The following RIMS2 variants were observed in gnomAD, a reference collection of about 807,000 sequenced individuals.
RIMS2 encodes the protein regulating synaptic membrane exocytosis protein 2.
In RIMS2, 59 loss-of-function variants were observed where a neutral mutation model predicts 174.4. The observed-to-expected ratio is 0.34, with a 90% CI of 0.27 to 0.42. The LOEUF (loss-of-function observed/expected upper bound fraction) is 0.42. Ranked by LOEUF, RIMS2 falls within the 10% of genes least tolerant of loss-of-function variation. The probability of loss-of-function intolerance (pLI) is 1.00; values close to 1 mark genes in which losing one functional copy is unlikely to be tolerated. For missense variants in RIMS2, 1,620 were observed against 1,666.3 expected, an observed-to-expected ratio of 0.97 and a Z score of 0.48; for synonymous variants, 606 against 572.5, an observed-to-expected ratio of 1.06 and a Z score of -0.84.
intron 1 of RIMS2, among the ~76,000 whole-genome samples, chr8:103,572,250 G>A (rs773302047): frequency 6.6e-6 from 1 of 152,140 alleles, no homozygotes; most frequent in Admixed American, 6.6e-5. Context: ...TGTGAAGAGC[G>A]AAAGAACAAA....
At chr8:103,740,063 T>C (rs1042073686) in intron 2 of RIMS2, among the ~76,000 whole-genome samples, 2 of 152,046 alleles carry the variant, frequency 1.3e-5, no homozygotes, top group Admixed American at 6.6e-5. Context: ...TAATTTAGAG[T>C]GGACGGGAAA....
intron 3 of RIMS2, among the ~76,000 whole-genome samples, chr8:103,781,050 T>C (rs752336707): frequency 7.2e-5 from 11 of 152,168 alleles, no homozygotes; most frequent in Non-Finnish European, 1.5e-5. Flanking sequence ...TCTGGCAGTG[T>C]TGGGAGGCTG....
chr8:103,739,380 A>C (rs1322800844), intron 2 of RIMS2, among the ~76,000 whole-genome samples: 6 of 152,182 alleles, frequency 3.9e-5, no homozygotes. Context: ...GGCCTGTCGT[A>C]GGGTAGAGGG....
At chr8:104,137,994 G>A (rs754412130) in intron 19 of RIMS2, among the ~76,000 whole-genome samples, 7 of 152,042 alleles carry the variant, frequency 4.6e-5, no homozygotes, top group Non-Finnish European at 7.4e-5. Flanking sequence ...AGGTCCATGC[G>A]TGTAGTTGTT....
At chr8:103,700,494 C>G (rs1199138505) in intron 2 of RIMS2, among the ~76,000 whole-genome samples, 1 of 151,592 alleles carries the variant, frequency 6.6e-6, no homozygotes, top group Non-Finnish European at 1.5e-5. Context: ...AGTATATGTT[C>G]TTCTATTATT....
intron 19 of RIMS2, among the ~76,000 whole-genome samples, chr8:104,036,831 C>T (rs2096528612): frequency 1.3e-5 from 2 of 151,952 alleles, no homozygotes; most frequent in Non-Finnish European, 1.5e-5. Flanking sequence ...GAGCCAAGAT[C>T]GTGCCACTTC....
At chr8:104,250,378 A>G (rs1311543986) in intron 22 of RIMS2, among the ~76,000 whole-genome samples, 1 of 149,930 alleles carries the variant, frequency 6.7e-6, no homozygotes, top group Non-Finnish European at 1.5e-5. Flanking sequence ...ATTATAATAT[A>G]TAATCTGTTG....
At chr8:103,641,638 T>C (rs961225700) in intron 1 of RIMS2, among the ~76,000 whole-genome samples, 1 of 152,072 alleles carries the variant, frequency 6.6e-6, no homozygotes, top group Admixed American at 6.6e-5. Context: ...GGTGTTTAGG[T>C]CATGGAGGTG....
intron 17 of RIMS2, among the ~76,000 whole-genome samples, chr8:103,990,644 A>C (rs1030261216): frequency 1.3e-4 from 20 of 152,036 alleles, no homozygotes; most frequent in African/African-American, 4.8e-4. Flanking sequence ...TATTAGGATG[A>C]ATGAAGAGGT....
intron 1 of RIMS2, among the ~76,000 whole-genome samples, chr8:103,530,440 A>G (rs1836475066): frequency 2.0e-5 from 3 of 152,178 alleles, no homozygotes. Flanking sequence ...ATGGACTGTT[A>G]TAATAAAAAA....
At chr8:103,911,969 A>C in intron 5 of RIMS2, 84 bp from the exon 9 acceptor site, 1 of 1,068,110 alleles carries the variant, frequency 9.4e-7, no homozygotes. Context: ...TCGTACAATC[A>C]GAGATCATTT....
chr8:103,885,718 GGCAAAT>G (rs1565117752), exon 4 of RIMS2: 1 of 1,612,952 alleles, frequency 6.2e-7, no homozygotes, highest in South Asian at 1.1e-5. Context: ...ATGTTTCTTT[GGCAAAT>G]GCTGATCTGG....
intron 1 of RIMS2, among the ~76,000 whole-genome samples, chr8:103,624,028 A>G (rs1438492772): frequency 6.6e-6 from 1 of 152,186 alleles, no homozygotes; most frequent in African/African-American, 2.4e-5. Context: ...ACTCACTTCT[A>G]AGGACCTCTC....
intron 1 of RIMS2, among the ~76,000 whole-genome samples, chr8:103,604,239 C>G (rs374092789): frequency 0.12 from 18,836 of 150,894 alleles, 1,306 homozygotes; most frequent in Middle Eastern, 0.23. Context: ...TTCCCAGCAC[C>G]ATTTATTAAA....
intron 1 of RIMS2, among the ~76,000 whole-genome samples, chr8:103,579,423 A>C (rs1009306705): frequency 1.3e-5 from 2 of 152,196 alleles, no homozygotes; most frequent in African/African-American, 4.8e-5. Context: ...CCAGAATAAT[A>C]GTGTAATTAC....
chr8:103,893,657 T>C (rs1437664245), intron 4 of RIMS2, among the ~76,000 whole-genome samples: 2 of 152,134 alleles, frequency 1.3e-5, no homozygotes, highest in Admixed American at 6.6e-5. Flanking sequence ...TTTTGTGATA[T>C]GAAAATCACA....
chr8:103,585,405 TC>T (rs201266690), intron 1 of RIMS2, among the ~76,000 whole-genome samples: 18,858 of 152,134 alleles, frequency 0.12, 1,259 homozygotes, highest in Middle Eastern at 0.22. Context: ...GGATTAGAAA[TC>T]ATTCTGCTAT....
intron 19 of RIMS2, among the ~76,000 whole-genome samples, chr8:104,210,099 A>T (rs2099098828): frequency 1.3e-5 from 2 of 152,224 alleles, no homozygotes; most frequent in Admixed American, 6.5e-5. Context: ...TAAAGTCCAA[A>T]TGACCTGCAA....
chr8:103,896,217 G>C (rs1268104556), intron 4 of RIMS2, among the ~76,000 whole-genome samples: 1 of 151,488 alleles, frequency 6.6e-6, no homozygotes, highest in Non-Finnish European at 1.5e-5. Context: ...ATTTCTTACT[G>C]GGTTTGCCTC....
Sources: gnomAD v4.1 joint callset for allele counts (sites outside exome capture counted in the v4.1 genomes callset) on GRCh38, gnomAD v4.1.1 for gene constraint, MANE v1.5 for transcripts, NCBI Gene and HGNC (gene_info 2026-07-23, HGNC 2026-07-21) for gene names.